FBXL13: variants seen among roughly 807,000 people sequenced by gnomAD.
The protein encoded by FBXL13 is F-box and leucine rich repeat protein 13.
FBXL13 carries 67 observed loss-of-function variants against 83.6 expected under a neutral mutation model. The ratio of observed to expected loss-of-function variants is 0.80; its 90% confidence interval spans 0.66 to 0.98. The LOEUF (loss-of-function observed/expected upper bound fraction) is 0.98. FBXL13 is among the 50% of genes least tolerant of loss of function. The probability of loss-of-function intolerance (pLI) is 0.00; values close to 1 mark genes in which losing one functional copy is unlikely to be tolerated. For synonymous variants in FBXL13, 272 were observed against 299.5 expected, an observed-to-expected ratio of 0.91 and a Z score of 0.95; for missense variants, 822 against 866.5, an observed-to-expected ratio of 0.95 and a Z score of 0.64.
At chr7:102,973,314 A>C in intron 6 of FBXL13, 2 of 557,684 alleles carry the variant, frequency 3.6e-6, no homozygotes, top group South Asian at 3.4e-5. Context: ...AGCGTGAGTC[A>C]GCAAGATAGC....
At chr7:103,034,398 G>A (rs1294968919) in intron 2 of FBXL13, among the ~76,000 whole-genome samples, 1 of 152,226 alleles carries the variant, frequency 6.6e-6, no homozygotes, top group Non-Finnish European at 1.5e-5. Context: ...CCACGGGAAG[G>A]CAGCTAAAGC....
At chr7:102,924,641 CTTT>C (rs71106699) in intron 10 of FBXL13, among the ~76,000 whole-genome samples, 10 of 121,038 alleles carry the variant, frequency 8.3e-5, no homozygotes, top group Admixed American at 9.7e-5. Flanking sequence ...GTAAGCTTTT[CTTT>C]TTTTTTTTTT....
chr7:102,992,838 C>T (rs967392770), intron 6 of FBXL13, among the ~76,000 whole-genome samples: 1 of 152,174 alleles, frequency 6.6e-6, no homozygotes, highest in Non-Finnish European at 1.5e-5. Flanking sequence ...AACTTCTGGA[C>T]CCCAGCGATC....
chr7:102,814,054 G>A (rs1163370515), intron 19 of FBXL13, among the ~76,000 whole-genome samples: 1 of 152,066 alleles, frequency 6.6e-6, no homozygotes, highest in Non-Finnish European at 1.5e-5. Context: ...ACTCAAAGGT[G>A]TCACAACACT....
intron 8 of FBXL13, among the ~76,000 whole-genome samples, chr7:102,958,794 A>C (rs117581579): frequency 0.028 from 4,219 of 152,148 alleles, 91 homozygotes; most frequent in Non-Finnish European, 0.037. Context: ...AGAAACAAAC[A>C]GTTCCTAAAA....
At chr7:102,914,988 C>T (rs1015914596) in intron 10 of FBXL13, among the ~76,000 whole-genome samples, 1 of 152,012 alleles carries the variant, frequency 6.6e-6, no homozygotes, top group Non-Finnish European at 1.5e-5. Context: ...TGAGGCAGGC[C>T]GCGTGACACA....
intron 6 of FBXL13, among the ~76,000 whole-genome samples, chr7:102,994,132 G>C (rs1411265619): frequency 6.6e-6 from 1 of 152,006 alleles, no homozygotes; most frequent in Non-Finnish European, 1.5e-5. Context: ...AACCATTCAA[G>C]ATATTAGTCT....
chr7:102,914,677 G>A (rs1409039868), intron 10 of FBXL13, among the ~76,000 whole-genome samples: 1 of 152,154 alleles, frequency 6.6e-6, no homozygotes, highest in Non-Finnish European at 1.5e-5. Context: ...CACACATCCC[G>A]ATCTGGGAAG....
intron 19 of FBXL13, among the ~76,000 whole-genome samples, chr7:102,818,396 T>C (rs754719747): frequency 7.2e-5 from 11 of 152,230 alleles, no homozygotes; most frequent in Non-Finnish European, 1.5e-4. Flanking sequence ...TCCATTTTGA[T>C]GATAAAGTGT....
At chr7:102,939,635 T>G (rs745959261) in intron 8 of FBXL13, 1 of 1,517,676 alleles carries the variant, frequency 6.6e-7, no homozygotes, top group East Asian at 2.3e-5. Flanking sequence ...GTTCTGTGAT[T>G]TTTTTCTATG....
At chr7:103,053,075 A>G (rs1180552059) in intron 2 of FBXL13, among the ~76,000 whole-genome samples, 2 of 151,592 alleles carry the variant, frequency 1.3e-5, no homozygotes, top group African/African-American at 2.4e-5. Context: ...CTTTTCTAAT[A>G]AAACTTTAGG....
At chr7:102,831,431 A>ACACCCC (rs1033135095) in intron 18 of FBXL13, among the ~76,000 whole-genome samples, 3 of 147,126 alleles carry the variant, frequency 2.0e-5, no homozygotes, top group African/African-American at 5.0e-5. Flanking sequence ...ACACACACAC[A>ACACCCC]CCCCACTACA....
At chr7:102,950,607 C>T (rs1350461836) in intron 8 of FBXL13, among the ~76,000 whole-genome samples, 1 of 151,992 alleles carries the variant, frequency 6.6e-6, no homozygotes, top group Non-Finnish European at 1.5e-5. Context: ...TGGAAGCAAC[C>T]AAGATGTCTT....
intron 8 of FBXL13, chr7:102,939,716 A>G: frequency 1.2e-6 from 1 of 825,046 alleles, no homozygotes; most frequent in Non-Finnish European, 1.8e-6. Context: ...GTTTTAATTA[A>G]ACATGACACT....
intron 8 of FBXL13, among the ~76,000 whole-genome samples, chr7:102,938,152 A>G (rs150094268): frequency 6.2e-4 from 95 of 152,384 alleles, no homozygotes; most frequent in African/African-American, 2.2e-3. Context: ...ATATTGAGGT[A>G]AACGGATTTG....
chr7:102,920,429 C>T (rs756068925), intron 10 of FBXL13, among the ~76,000 whole-genome samples: 18 of 152,122 alleles, frequency 1.2e-4, no homozygotes, highest in Non-Finnish European at 2.2e-4. Context: ...TGACTCACTG[C>T]AGCCTCAACC....
intron 16 of FBXL13, among the ~76,000 whole-genome samples, chr7:102,866,448 A>G (rs1440702365): frequency 3.9e-5 from 6 of 152,116 alleles, no homozygotes; most frequent in Non-Finnish European, 8.8e-5. Flanking sequence ...CCAGCTCCAT[A>G]TGAAAAAAAA....
chr7:102,838,791 A>G (rs778005531), intron 17 of FBXL13, among the ~76,000 whole-genome samples: 1 of 152,194 alleles, frequency 6.6e-6, no homozygotes, highest in Non-Finnish European at 1.5e-5. Context: ...CCAGGGGCAC[A>G]ATGCACTGCA....
chr7:103,033,155 TTTTG>T (rs570416677), intron 2 of FBXL13, among the ~76,000 whole-genome samples: 68 of 150,198 alleles, frequency 4.5e-4, no homozygotes, highest in African/African-American at 1.6e-3. Flanking sequence ...AGAAAGGTTT[TTTTG>T]TTTGTTTTTT....
Sources: gnomAD v4.1 joint callset for allele counts (sites outside exome capture counted in the v4.1 genomes callset) on GRCh38, gnomAD v4.1.1 for gene constraint, MANE v1.5 for transcripts, NCBI Gene and HGNC (gene_info 2026-07-23, HGNC 2026-07-21) for gene names.